The following LDLRAD4 variants were observed in gnomAD, a reference collection of about 807,000 sequenced individuals.
LDLRAD4 encodes the protein low density lipoprotein receptor class A domain containing 4.
Under a neutral mutation model 17.0 loss-of-function variants are expected in LDLRAD4, and 5 were observed. The observed-to-expected ratio is 0.29, with a 90% CI of 0.15 to 0.62. The LOEUF is 0.62. Among genes scored for constraint, LDLRAD4 ranks in the 20% least tolerant of loss-of-function variants. LDLRAD4 has a pLI of 0.84. For missense variants in LDLRAD4, 340 were observed against 424.7 expected, an observed-to-expected ratio of 0.80 and a Z score of 1.75; for synonymous variants, 168 against 171.8, an observed-to-expected ratio of 0.98 and a Z score of 0.17.
chr18:13,611,729 G>C lies in LDLRAD4; in HGVS notation c.182-9388G>C, dbSNP rs887112612. The C allele has an allele frequency of 8.1e-6, 8 of 985,320 alleles. No individual in the cohort carries two copies. In the African/African-American group the frequency reaches 1.4e-4, roughly 17 times the overall value. The allele number at this position is 985,320 out of a possible 1,614,324, so 61.0% of individuals were successfully genotyped here. ...GGTGTTTTTGTGCTACCATACATGGGGAATAATGATGTGAGGCAGAGGGAG... is the reference window on the plus strand; with the variant it reads ...GGTGTTTTTGTGCTACCATACATGGCGAATAATGATGTGAGGCAGAGGGAG... On this transcript the variant is annotated intron_variant, in intron 3 of 5. Coordinates refer to ENST00000359446, the Ensembl canonical transcript of LDLRAD4.
At chr18:13,259,090 G>T (rs373190620) in intron 1 of LDLRAD4, among the ~76,000 whole-genome samples, 1 of 152,212 alleles carries the variant, frequency 6.6e-6, no homozygotes, top group East Asian at 1.9e-4. Flanking sequence ...TGCCATTCCC[G>T]CAGAGCACTT....
rs534687770 is a variant in LDLRAD4, at chr18:13,288,787, G to T, written c.-383+10599G>T. ...CACGGTAGCAGCCCTGCAGACCGTG[G>T]TCACTCTGCAAGGTGAGTCACGGGG... On this transcript the variant is annotated intron_variant, in intron 1 of 5. Transcript: ENST00000359446. Among the ~76,000 whole-genome samples, 298 of 119,296 alleles carry T rather than the reference G, an allele frequency of 2.5e-3. 22 individuals carry two copies. Among genetic ancestry groups the T allele is most frequent in the African/African-American group, 8.2e-3 (290 of 35,330 alleles). The allele number at this position is 119,296 out of a possible 152,430, so 78.3% of individuals were successfully genotyped here. A position where few individuals can be genotyped will look rare whatever the true frequency, so the allele number is the denominator to read the frequency against.
At chr18:13,643,668 G>A (rs1187468747) in intron 5 of LDLRAD4, among the ~76,000 whole-genome samples, 3 of 152,182 alleles carry the variant, frequency 2.0e-5, no homozygotes, top group Non-Finnish European at 2.9e-5. Flanking sequence ...ACATGATCCC[G>A]TAAGCTTCTA....
intron 3 of LDLRAD4, among the ~76,000 whole-genome samples, chr18:13,480,605 C>T (rs965570364): frequency 1.6e-4 from 24 of 152,222 alleles, no homozygotes; most frequent in Admixed American, 5.2e-4. Flanking sequence ...CGTAATGATG[C>T]GCCACTCTGT....
upstream of LDLRAD4, among the ~76,000 whole-genome samples, chr18:13,276,229 T>C (rs1472861354): frequency 6.6e-6 from 1 of 151,914 alleles, no homozygotes; most frequent in Non-Finnish European, 1.5e-5. Flanking sequence ...AGGCTGGTCT[T>C]GAATTCCTGG....
At chr18:13,453,777 C>T (rs1360799859) in intron 3 of LDLRAD4, among the ~76,000 whole-genome samples, 2 of 152,240 alleles carry the variant, frequency 1.3e-5, no homozygotes, top group African/African-American at 2.4e-5. Flanking sequence ...GCCCTTCCCT[C>T]TGTTGCCCCT....
At chr18:13,545,574 C>T (rs1428118252) in intron 3 of LDLRAD4, among the ~76,000 whole-genome samples, 1 of 152,094 alleles carries the variant, frequency 6.6e-6, no homozygotes, top group African/African-American at 2.4e-5. Context: ...GTGCTGAGGC[C>T]AGCAGTAGCT....
At chr18:13,448,243 C>T (rs765371475) in intron 3 of LDLRAD4, among the ~76,000 whole-genome samples, 35 of 152,124 alleles carry the variant, frequency 2.3e-4, no homozygotes, top group Admixed American at 9.2e-4. Context: ...ATGCAGCCCG[C>T]GGGGTGACCT....
intron 3 of LDLRAD4, chr18:13,487,674 T>G (rs1448426869): frequency 1.3e-5 from 2 of 152,242 alleles, no homozygotes; most frequent in Non-Finnish European, 2.9e-5. Context: ...ACTAAATAAG[T>G]AAAACCCTTG....
intron 3 of LDLRAD4, among the ~76,000 whole-genome samples, chr18:13,499,182 C>A (rs1481688406): frequency 6.9e-6 from 1 of 145,298 alleles, no homozygotes; most frequent in East Asian, 2.1e-4. Context: ...ACTGGAGAAT[C>A]CTTCTACTCA....
At chr18:13,529,302 G>A (rs562645782) in intron 3 of LDLRAD4, among the ~76,000 whole-genome samples, 24 of 152,324 alleles carry the variant, frequency 1.6e-4, no homozygotes, top group Non-Finnish European at 3.2e-4. Flanking sequence ...TCTCTTTGAT[G>A]TATTCCTCCC....
Position 13,453,044 on chromosome 18 carries a change from G to A in LDLRAD4, c.181+14660G>A, listed in dbSNP as rs141124685. On this transcript the variant is annotated intron_variant, in intron 3 of 5. Transcript: ENST00000359446. ...TGCTCTGCTCAGCATGGGGAGCACCGCAGGGGTGCACATGAGCGAGCGTGA... is the reference window on the plus strand; with the variant it reads ...TGCTCTGCTCAGCATGGGGAGCACCACAGGGGTGCACATGAGCGAGCGTGA... 7.9e-4 allele frequency among the ~76,000 whole-genome samples: 120 copies of A among 152,326 alleles called. 1 individual carries two copies. The highest frequency in any genetic ancestry group is 2.7e-3 in the African/African-American group (113 of 41,578).
chr18:13,319,694 G>C (rs1438025166), intron 1 of LDLRAD4, among the ~76,000 whole-genome samples: 1 of 152,152 alleles, frequency 6.6e-6, no homozygotes, highest in Non-Finnish European at 1.5e-5. Context: ...AGCCAAAAGA[G>C]TGATTAGGTC....
At chr18:13,225,982 C>A (rs764539804) in intron 1 of LDLRAD4, among the ~76,000 whole-genome samples, 3 of 151,846 alleles carry the variant, frequency 2.0e-5, no homozygotes, top group African/African-American at 4.8e-5. Flanking sequence ...TTGCATTGAA[C>A]GTCTTTAAAC....
intron 4 of LDLRAD4, among the ~76,000 whole-genome samples, chr18:13,641,601 G>T (rs575658780): frequency 6.6e-6 from 1 of 152,114 alleles, no homozygotes; most frequent in African/African-American, 2.4e-5. Flanking sequence ...CCTGTGGCGG[G>T]CGAGGGAAAT....
At chr18:13,407,839 C>T (rs564249867) in intron 2 of LDLRAD4, among the ~76,000 whole-genome samples, 1 of 152,308 alleles carries the variant, frequency 6.6e-6, no homozygotes, top group South Asian at 2.1e-4. Context: ...CCACCACGTT[C>T]CTGAGGGTAG....
In LDLRAD4 at chr18:13,621,172, G is replaced by C; in HGVS notation, c.237G>C (p.Val79=). ...TCGTCGTGGTGGTCACGGTGATGGT[G>C]GTGGTCATCGTCTGCCTGCTGAACC... Residue 79 remains valine, a synonymous_variant, in exon 4 of 6, where the codon GTG becomes GTC. Transcript: ENST00000359446. This position sits in a 1 kb window ranked among gnomAD's most constrained non-coding sequence, Gnocchi z 5.5. 6.2e-7 allele frequency: 1 copy of C among 1,614,156 alleles called. No individual in the cohort carries two copies. The highest frequency in any genetic ancestry group is 2.2e-5 in the East Asian group (1 of 44,882).
chr18:13,635,444 T>C (rs1247906289), intron 4 of LDLRAD4, among the ~76,000 whole-genome samples: 1 of 152,216 alleles, frequency 6.6e-6, no homozygotes, highest in Non-Finnish European at 1.5e-5. Context: ...CCAAATGGTC[T>C]GATGTAAAAG....
chr18:13,491,680 A>G (rs1052898292), intron 3 of LDLRAD4: 8 of 152,224 alleles, frequency 5.3e-5, no homozygotes, highest in Admixed American at 4.6e-4. Context: ...ACGTTTGTAT[A>G]TGAGCAGTCA....
Sources: gnomAD v4.1 joint callset for allele counts (sites outside exome capture counted in the v4.1 genomes callset) on GRCh38, gnomAD v4.1.1 for gene constraint, Gnocchi (gnomAD v3.1) non-coding constraint, MANE v1.5 for transcripts, NCBI Gene and HGNC (gene_info 2026-07-23, HGNC 2026-07-21) for gene names.